The following ADAMTS14 variants were observed in gnomAD, a reference collection of about 807,000 sequenced individuals.
The protein encoded by ADAMTS14 is A disintegrin and metalloproteinase with thrombospondin motifs 14.
ADAMTS14 carries 100 observed loss-of-function variants against 128.6 expected under a neutral mutation model. The observed-to-expected ratio is 0.78, with a 90% CI of 0.66 to 0.92. The LOEUF (loss-of-function observed/expected upper bound fraction) is 0.92, where lower values mean the gene tolerates loss of function less well. Ranked by LOEUF, ADAMTS14 falls within the 40% of genes least tolerant of loss-of-function variation. ADAMTS14 has a pLI of 0.00. For missense variants in ADAMTS14, 1,562 were observed against 1,658.6 expected, an observed-to-expected ratio of 0.94 and a Z score of 1.01; for synonymous variants, 665 against 653.8, an observed-to-expected ratio of 1.02 and a Z score of -0.26.
chr10:70,732,456 T>C (rs2587478), intron 7 of ADAMTS14, 97 bp downstream of exon 7: 1,132,370 of 1,132,916 alleles, frequency 1, 565,912 homozygotes, highest in Middle Eastern at 1. Flanking sequence ...TTGGCCTGGT[T>C]CCAGTGTCCT....
At chr10:70,726,186 C>G (rs558872550) in intron 4 of ADAMTS14, among the ~76,000 whole-genome samples, 3 of 152,362 alleles carry the variant, frequency 2.0e-5, no homozygotes, top group African/African-American at 7.2e-5. Context: ...GATTCTATCT[C>G]CTGCTCAGAC....
In ADAMTS14 at chr10:70,751,495, G is replaced by C. The variant is rs781031879; in HGVS notation, c.2445G>C (p.Glu815Asp). The change falls in exon 17 of 22, where the codon GAG becomes GAC. Residue 815 changes from glutamate (E) to aspartate (D), a missense_variant. Glu to Asp is a conservative substitution (Grantham distance 45). Coordinates refer to ENST00000373207, the MANE Select transcript of ADAMTS14 (RefSeq NM_080722.4). The stretch of plus-strand genomic sequence containing the variant: ...CCCCTCAGGCTCTCCCCCCAACTGA[G>C]GGTGGCCCCCGCAGCAGCCTGGCCT... ...AIAILALPPT[E>D]GGPRSSLAYK... 1 of 1,606,608 alleles carries C rather than the reference G, an allele frequency of 6.2e-7. No homozygotes were observed. The highest frequency in any genetic ancestry group is 1.1e-5 in the South Asian group (1 of 90,900).
chr10:70,752,136 C>A lies in ADAMTS14; in HGVS notation c.2638C>A (p.His880Asn). 6.2e-7 allele frequency: 1 copy of A among 1,613,344 alleles called. No individual in the cohort carries two copies. Among genetic ancestry groups the A allele is most frequent in the Non-Finnish European group, 8.5e-7 (1 of 1,179,958 alleles). ...TKYGCRRRRD[H>N]HMVQRHLCDH... The stretch of plus-strand genomic sequence containing the variant: ...ATACGGCTGCCGGCGCAGACGAGAC[C>A]ACCACATGGTGCAGCGACACCTGTG... Residue 880 changes from histidine to asparagine, a missense_variant, in exon 18 of 22, where the codon CAC (histidine) becomes AAC (asparagine). By Grantham distance (68) the His-to-Asn change is moderately conservative (BLOSUM62 1). Transcript: ENST00000373207.
chr10:70,730,306 G>A (rs1360461871), intron 6 of ADAMTS14, 57 bp downstream of exon 6: 1 of 1,568,534 alleles, frequency 6.4e-7, no homozygotes, highest in East Asian at 2.3e-5. Context: ...ACGGCAGACA[G>A]AGGCTGGGCC....
chr10:70,690,255 C>T lies in ADAMTS14; in HGVS notation c.523-12057C>T, dbSNP rs548501385. ...GTGCTGCTAGTGCCTGGCAGGTGAA[C>T]TGTAAGAGTGTGGCCAAATCTGGAA... On this transcript the variant is annotated intron_variant, in intron 2 of 21. Coordinates refer to ENST00000373207, the MANE Select transcript of ADAMTS14 (RefSeq NM_080722.4). Among the ~76,000 whole-genome samples, 928 of 144,588 alleles carry T rather than the reference C, an allele frequency of 6.4e-3. 162 individuals are homozygous for T. The highest frequency in any genetic ancestry group is 0.012 in the Non-Finnish European group (756 of 63,212). 94.9% of individuals were successfully genotyped at this position (144,588 alleles called of 152,430 possible).
At chr10:70,742,681 G>A (rs1449400621) in intron 12 of ADAMTS14, among the ~76,000 whole-genome samples, 1 of 152,230 alleles carries the variant, frequency 6.6e-6, no homozygotes. Context: ...GGCCCGTGGG[G>A]CAGCTGGACT....
chr10:70,699,545 A>G (rs1388000629), intron 2 of ADAMTS14, among the ~76,000 whole-genome samples: 1 of 152,180 alleles, frequency 6.6e-6, no homozygotes, highest in Non-Finnish European at 1.5e-5. Flanking sequence ...GTCAAAGTAT[A>G]ATGCCTCAGA....
chr10:70,755,117 G>T (rs549301627), intron 19 of ADAMTS14, among the ~76,000 whole-genome samples: 1 of 152,096 alleles, frequency 6.6e-6, no homozygotes, highest in African/African-American at 2.4e-5. Context: ...ACCAGCCTGG[G>T]CAACAGAGCA....
At chr10:70,676,184 A>ATT (rs1406554004) in intron 2 of ADAMTS14, among the ~76,000 whole-genome samples, 126 of 150,684 alleles carry the variant, frequency 8.4e-4, no homozygotes, top group African/African-American at 2.9e-3. Context: ...GCTGGAGTGC[A>ATT]GTGGCTATTC....
At chr10:70,735,119 TG>T in intron 8 of ADAMTS14, 49 bp from the exon 9 acceptor site, 1 of 1,588,564 alleles carries the variant, frequency 6.3e-7, no homozygotes, top group East Asian at 2.3e-5. Context: ...AGGGAAAGCC[TG>T]GGACTTCCTG....
intron 2 of ADAMTS14, among the ~76,000 whole-genome samples, chr10:70,696,576 A>G (rs1439522257): frequency 6.6e-6 from 1 of 152,114 alleles, no homozygotes; most frequent in African/African-American, 2.4e-5. Context: ...AGCAGGATAG[A>G]GGGAAAGTGG....
At chr10:70,743,954 C>T in intron 13 of ADAMTS14, 112 bp from the exon 14 acceptor site, 1 of 1,389,710 alleles carries the variant, frequency 7.2e-7, no homozygotes. Flanking sequence ...CCAGGGACAT[C>T]TCCCAGGCCA....
chr10:70,678,645 G>A (rs1409765183), intron 2 of ADAMTS14, among the ~76,000 whole-genome samples: 1 of 152,132 alleles, frequency 6.6e-6, no homozygotes, highest in Non-Finnish European at 1.5e-5. Context: ...GATGGAAGAA[G>A]GGGTGTGGGG....
intron 5 of ADAMTS14, 117 bp from the exon 6 acceptor site, chr10:70,729,985 G>A: frequency 8.2e-7 from 1 of 1,216,220 alleles, no homozygotes; most frequent in Non-Finnish European, 1.1e-6. Flanking sequence ...ATCTTGGGGT[G>A]GGTCCTGCAG....
intron 15 of ADAMTS14, among the ~76,000 whole-genome samples, chr10:70,746,543 C>T (rs1842183953): frequency 6.6e-6 from 1 of 152,178 alleles, no homozygotes; most frequent in Non-Finnish European, 1.5e-5. Context: ...CGCAGCGGCT[C>T]ACGCCTGTAA....
intron 9 of ADAMTS14, among the ~76,000 whole-genome samples, chr10:70,736,206 C>T (rs1841820956): frequency 6.6e-6 from 1 of 152,170 alleles, no homozygotes; most frequent in Admixed American, 6.5e-5. Flanking sequence ...AGGTCATCAA[C>T]CTCTGGCATG....
intron 4 of ADAMTS14, among the ~76,000 whole-genome samples, chr10:70,718,416 G>A (rs549743160): frequency 6.6e-6 from 1 of 152,094 alleles, no homozygotes; most frequent in African/African-American, 2.4e-5. Flanking sequence ...TTGAGACGGA[G>A]TTTCACTGTT....
rs1244448307 is a variant in ADAMTS14, at chr10:70,718,583, G to T, written c.870+9805G>T. Among the ~76,000 whole-genome samples, 6 of 151,548 alleles carry T rather than the reference G, an allele frequency of 4.0e-5. No individual in the cohort carries two copies. In the South Asian group the frequency reaches 1.3e-3, roughly 32 times the overall value. On this transcript the variant is annotated intron_variant, in intron 4 of 21. Transcript: ENST00000373207. ...GTATTTTTAGTAGTGATGGGGATTC[G>T]CTGTGTTGGCCAGGCTTGTCTCGAA...
intron 16 of ADAMTS14, among the ~76,000 whole-genome samples, chr10:70,751,070 G>A (rs1394892874): frequency 1.3e-5 from 2 of 152,184 alleles, no homozygotes; most frequent in Non-Finnish European, 2.9e-5. Context: ...CAGAATGGGG[G>A]AAAATACTTG....
Sources: gnomAD v4.1 joint callset for allele counts (sites outside exome capture counted in the v4.1 genomes callset) on GRCh38, gnomAD v4.1.1 for gene constraint, MANE v1.5 for transcripts, NCBI Gene and HGNC (gene_info 2026-07-23, HGNC 2026-07-21) for gene names.